The following CHN2 variants were observed in gnomAD, a reference collection of about 807,000 sequenced individuals.
CHN2 encodes the protein beta-chimaerin.
CHN2 carries 35 observed loss-of-function variants against 56.3 expected under a neutral mutation model. The observed-to-expected ratio is 0.62, with a 90% CI of 0.47 to 0.82. The LOEUF (loss-of-function observed/expected upper bound fraction) is 0.82, where lower values mean the gene tolerates loss of function less well. Ranked by LOEUF, CHN2 falls within the 40% of genes least tolerant of loss-of-function variation. The pLI is 0.00. For missense variants in CHN2, 491 were observed against 580.5 expected (o/e 0.85, Z 1.58); for synonymous variants, 210 against 212.8 (o/e 0.99, Z 0.12).
intron 1 of CHN2, among the ~76,000 whole-genome samples, chr7:29,258,062 G>A (rs1415602133): frequency 6.6e-6 from 1 of 152,124 alleles, no homozygotes; most frequent in African/African-American, 2.4e-5. Flanking sequence ...GGGATTACAG[G>A]TGTGAGCCAT....
rs191296823 is a variant in CHN2, at chr7:29,453,621, C to A, written c.577-26658C>A. 9.9e-5 allele frequency among the ~76,000 whole-genome samples: 15 copies of A among 152,210 alleles called. No individual in the cohort carries two copies. The East Asian group carries it at 2.1e-3, about 22-fold the overall frequency. ...CATTTTCAGACAATCCTGCTTGTACCAAAGAAGCATCATTAAATTCTGGAA... is the reference window on the plus strand; with the variant it reads ...CATTTTCAGACAATCCTGCTTGTACAAAAGAAGCATCATTAAATTCTGGAA... On this transcript the variant is annotated intron_variant, in intron 6 of 12. Coordinates refer to ENST00000222792, the MANE Select transcript of CHN2 (RefSeq NM_004067.4).
chr7:29,260,748 A>G (rs1016403751), intron 1 of CHN2, among the ~76,000 whole-genome samples: 3 of 152,074 alleles, frequency 2.0e-5, no homozygotes, highest in African/African-American at 4.8e-5. Flanking sequence ...CAGCAGTGTG[A>G]TTTTCCAGCC....
intron 1 of CHN2, among the ~76,000 whole-genome samples, chr7:29,341,630 C>T (rs116775125): frequency 2.6e-5 from 4 of 151,656 alleles, no homozygotes; most frequent in African/African-American, 9.7e-5. Context: ...GGGAGGGGGG[C>T]ATCTCAGTTA....
intron 1 of CHN2, among the ~76,000 whole-genome samples, chr7:29,233,207 A>G (rs1036890498): frequency 6.6e-6 from 1 of 152,196 alleles, no homozygotes; most frequent in Non-Finnish European, 1.5e-5. Flanking sequence ...CCTTTTCTCT[A>G]TAATAGTGAT....
At chr7:29,480,109 C>T in intron 6 of CHN2, 170 bp from the exon 7 acceptor site, 1 of 1,552,724 alleles carries the variant, frequency 6.4e-7, no homozygotes, top group Non-Finnish European at 8.7e-7. Flanking sequence ...GATCCAGGCA[C>T]TATGTTCTCT....
intron 2 of CHN2, among the ~76,000 whole-genome samples, chr7:29,162,203 C>T (rs998289631): frequency 2.0e-5 from 3 of 152,146 alleles, no homozygotes; most frequent in Non-Finnish European, 4.4e-5. Context: ...CTTATATTCA[C>T]ACAAAAACTG....
At chr7:29,511,026 C>T (rs1554310946) in intron 12 of CHN2, among the ~76,000 whole-genome samples, 1 of 152,170 alleles carries the variant, frequency 6.6e-6, no homozygotes, top group Non-Finnish European at 1.5e-5. Context: ...CAGGGCACAT[C>T]TGTGTGCCTC....
At chr7:29,388,080 C>CT (rs1801065584) in intron 3 of CHN2, among the ~76,000 whole-genome samples, 1 of 152,104 alleles carries the variant, frequency 6.6e-6, no homozygotes, top group Non-Finnish European at 1.5e-5. Flanking sequence ...TTTGCATTCT[C>CT]TAAAAATGAA....
intron 6 of CHN2, among the ~76,000 whole-genome samples, chr7:29,409,579 AG>A (rs1336161670): frequency 1.3e-5 from 2 of 152,214 alleles, no homozygotes; most frequent in Non-Finnish European, 2.9e-5. Flanking sequence ...TATAGGAAGA[AG>A]TCTGGCCTCA....
intron 2 of CHN2, among the ~76,000 whole-genome samples, chr7:29,152,927 T>C (rs1465743803): frequency 6.6e-6 from 1 of 152,206 alleles, no homozygotes; most frequent in African/African-American, 2.4e-5. Flanking sequence ...CAAGCTTGCT[T>C]CCAGAGCCTG....
intron 6 of CHN2, among the ~76,000 whole-genome samples, chr7:29,478,987 G>A (rs1213138993): frequency 6.6e-6 from 1 of 152,178 alleles, no homozygotes; most frequent in African/African-American, 2.4e-5. Context: ...TGGGGCCCTT[G>A]TTTGAGTAGA....
chr7:29,355,365 A>G (rs2128926580), intron 2 of CHN2, among the ~76,000 whole-genome samples: 1 of 152,348 alleles, frequency 6.6e-6, no homozygotes, highest in Admixed American at 6.5e-5. Context: ...AGGATAAAAT[A>G]TCATATGACA....
chr7:29,354,793 C>T lies in CHN2; in HGVS notation c.88+130C>T, dbSNP rs1000392061. On this transcript the variant is annotated intron_variant, in intron 2 of 12. Coordinates refer to ENST00000222792, the MANE Select transcript of CHN2 (RefSeq NM_004067.4). ...CACTGAAAACCCAAATCTTTCTTTC[C>T]ACTGAGGAAAAAGATTAGTCAGAGA... 4 of 772,472 alleles carry T rather than the reference C, an allele frequency of 5.2e-6. No individual in the cohort carries two copies. In the African/African-American group the frequency reaches 7.0e-5, roughly 14 times the overall value. The allele number at this position is 772,472 out of a possible 1,614,324, so 47.9% of individuals were successfully genotyped here.
chr7:29,237,668 C>A (rs981659689), intron 1 of CHN2, among the ~76,000 whole-genome samples: 4 of 152,136 alleles, frequency 2.6e-5, no homozygotes, highest in East Asian at 3.9e-4. Flanking sequence ...AGGGTTGAGC[C>A]TGGAGGCAGG....
intron 6 of CHN2, among the ~76,000 whole-genome samples, chr7:29,420,875 T>A (rs1221823879): frequency 6.6e-6 from 1 of 151,746 alleles, no homozygotes; most frequent in African/African-American, 2.4e-5. Flanking sequence ...AGTGGTGCCA[T>A]CTTGGCTCAC....
At chr7:29,147,960 C>T (rs1792993904) in intron 2 of CHN2, among the ~76,000 whole-genome samples, 1 of 152,180 alleles carries the variant, frequency 6.6e-6, no homozygotes, top group Non-Finnish European at 1.5e-5. Context: ...ATTTCCAGTT[C>T]CTGGTTTGCA....
intron 1 of CHN2, among the ~76,000 whole-genome samples, chr7:29,319,359 A>AGGG (rs1795179126): frequency 6.6e-6 from 1 of 152,136 alleles, no homozygotes; most frequent in East Asian, 1.9e-4. Context: ...CTACATGTTG[A>AGGG]GGGGAGGAGG....
intron 2 of CHN2, among the ~76,000 whole-genome samples, chr7:29,161,088 A>C (rs1795110754): frequency 6.6e-6 from 1 of 152,074 alleles, no homozygotes. Context: ...ACTTCTTACC[A>C]GATATTATCT....
At chr7:29,437,344 A>T (rs1438005851) in intron 6 of CHN2, among the ~76,000 whole-genome samples, 2 of 138,138 alleles carry the variant, frequency 1.4e-5, no homozygotes, top group African/African-American at 6.0e-5. Flanking sequence ...CACGCCTGTA[A>T]TCCCAGCACT....
Sources: gnomAD v4.1 joint callset for allele counts (sites outside exome capture counted in the v4.1 genomes callset) on GRCh38, gnomAD v4.1.1 for gene constraint, MANE v1.5 for transcripts, NCBI Gene and HGNC (gene_info 2026-07-23, HGNC 2026-07-21) for gene names.